Variants in APBA2 observed in about 807,000 individuals in gnomAD.
APBA2 encodes amyloid beta precursor protein binding family A member 2.
Under a neutral mutation model 75.0 loss-of-function variants are expected in APBA2, and 30 were observed. That is an observed-to-expected ratio of 0.40 (90% CI 0.30 to 0.54). The LOEUF (loss-of-function observed/expected upper bound fraction) is 0.54. Ranked by LOEUF, APBA2 falls within the 20% of genes least tolerant of loss-of-function variation. The pLI, the probability that APBA2 is intolerant of heterozygous loss-of-function variation, is 0.49. For missense variants in APBA2, 801 were observed against 1,016.1 expected, an observed-to-expected ratio of 0.79 and a Z score of 2.88; for synonymous variants, 444 against 409.6, an observed-to-expected ratio of 1.08 and a Z score of -1.01.
intron 7 of APBA2, among the ~76,000 whole-genome samples, 171 bp downstream of exon 7, chr15:29,093,391 C>T (rs2043682786): frequency 6.6e-6 from 1 of 152,214 alleles, no homozygotes; most frequent in Admixed American, 6.5e-5. Context: ...TGCGCCTTGG[C>T]TGGGAGAAAG....
At chr15:29,022,660 T>C (rs964711429) in intron 3 of APBA2, among the ~76,000 whole-genome samples, 1 of 152,178 alleles carries the variant, frequency 6.6e-6, no homozygotes, top group African/African-American at 2.4e-5. Flanking sequence ...TTGTATACTC[T>C]CGTGGAATAA....
chr15:29,109,932 C>A lies in APBA2; in HGVS notation c.2037+1543C>A, dbSNP rs201038091. ...CAGGTGCCAGGACGAGTTGTCTGCA[C>A]CCCACTTGGGACTTCAGGACAGTGC... On this transcript the variant is annotated intron_variant, in intron 13 of 14. Coordinates refer to ENST00000683413, the MANE Select transcript of APBA2 (RefSeq NM_001353788.2). Among the ~76,000 whole-genome samples the A allele has an allele frequency of 9.3e-5, 14 of 151,138 alleles. No homozygotes were observed. In the East Asian group the frequency reaches 2.5e-3, roughly 27 times the overall value.
chr15:28,988,877 C>T (rs1395063963), intron 2 of APBA2, among the ~76,000 whole-genome samples: 1 of 152,114 alleles, frequency 6.6e-6, no homozygotes, highest in Non-Finnish European at 1.5e-5. Context: ...AATTTTATTC[C>T]AAAGTGTGTG....
intron 6 of APBA2, among the ~76,000 whole-genome samples, chr15:29,080,091 A>G (rs1365572944): frequency 1.3e-5 from 2 of 152,176 alleles, no homozygotes; most frequent in East Asian, 3.9e-4. Context: ...CTCGTAGCCG[A>G]GGTCATTCCT....
At chr15:29,104,370 C>T (rs187639580) in intron 10 of APBA2, among the ~76,000 whole-genome samples, 13 of 152,342 alleles carry the variant, frequency 8.5e-5, no homozygotes, top group Admixed American at 7.2e-4. Flanking sequence ...AGCCCCGCCG[C>T]GCTCCCAGGG....
chr15:29,091,476 ACT>A (rs1304363909), intron 6 of APBA2, among the ~76,000 whole-genome samples: 2 of 152,108 alleles, frequency 1.3e-5, no homozygotes, highest in East Asian at 1.9e-4. Flanking sequence ...GTCTGGAATA[ACT>A]CTTGCATGGA....
intron 1 of APBA2, among the ~76,000 whole-genome samples, chr15:28,904,947 G>A (rs2033063345): frequency 6.6e-6 from 1 of 152,242 alleles, no homozygotes; most frequent in African/African-American, 2.4e-5. Context: ...CTGAGGGGCT[G>A]GGCCGCTGAC....
intron 2 of APBA2, among the ~76,000 whole-genome samples, chr15:28,949,701 T>C (rs2035747245): frequency 5.3e-5 from 8 of 152,196 alleles, no homozygotes; most frequent in Admixed American, 5.2e-4. Context: ...ACTCCTGGGC[T>C]CAAGTGATCC....
chr15:29,058,798 A>G (rs1200143905), intron 4 of APBA2, among the ~76,000 whole-genome samples: 1 of 152,202 alleles, frequency 6.6e-6, no homozygotes, highest in South Asian at 2.1e-4. Context: ...ATTTCAAAGC[A>G]CTGCAAGTTT....
At chr15:29,020,892 T>C (rs2039920162) in intron 3 of APBA2, among the ~76,000 whole-genome samples, 1 of 152,046 alleles carries the variant, frequency 6.6e-6, no homozygotes, top group Non-Finnish European at 1.5e-5. Flanking sequence ...TTACAGTGAA[T>C]ATACCCAGCA....
intron 2 of APBA2, among the ~76,000 whole-genome samples, chr15:28,961,983 G>A (rs894240409): frequency 6.6e-6 from 1 of 152,116 alleles, no homozygotes; most frequent in African/African-American, 2.4e-5. Flanking sequence ...GAAAAGGCCG[G>A]GTGGCATGTG....
chr15:28,935,344 G>C (rs1347078856), intron 2 of APBA2, among the ~76,000 whole-genome samples: 1 of 152,192 alleles, frequency 6.6e-6, no homozygotes, highest in African/African-American at 2.4e-5. Flanking sequence ...GATGGGAATG[G>C]GGAGTGGGAA....
At position 29,054,434 on chromosome 15, in the gene APBA2, G is replaced by A. The variant is rs779928121; in HGVS notation, c.550G>A (p.Gly184Ser). The stretch of plus-strand genomic sequence containing the variant: ...TGAGGCCCATGACCAGGAAGAAGAT[G>A]GTCACTACTGTGCCAGCAAAGAGGG... ...VLEAHDQEED[G>S]HYCASKEGYQ... Residue 184 changes from glycine (G) to serine (S), a missense_variant, in exon 4 of 15, where the codon GGT (glycine) becomes AGT (serine). By Grantham distance (56) the Gly-to-Ser change is moderately conservative. Transcript: ENST00000683413. This position sits in a 1 kb window ranked among gnomAD's most constrained non-coding sequence, Gnocchi z 6.1. The A allele has an allele frequency of 1.2e-6, 2 of 1,614,084 alleles. No homozygotes were observed. Among genetic ancestry groups the A allele is most frequent in the South Asian group, 1.1e-5 (1 of 91,078 alleles).
chr15:29,035,286 GT>G (rs1381248849), intron 3 of APBA2, among the ~76,000 whole-genome samples: 1 of 152,178 alleles, frequency 6.6e-6, no homozygotes, highest in African/African-American at 2.4e-5. Flanking sequence ...CAATCGTGGG[GT>G]CATTAGGATT....
intron 3 of APBA2, among the ~76,000 whole-genome samples, chr15:29,034,263 C>T (rs2040633813): frequency 6.6e-6 from 1 of 152,086 alleles, no homozygotes; most frequent in African/African-American, 2.4e-5. Flanking sequence ...GGCTGGTAGC[C>T]CGTGTCTCCT....
intron 10 of APBA2, among the ~76,000 whole-genome samples, chr15:29,103,845 C>G (rs919979844): frequency 8.5e-5 from 13 of 152,218 alleles, no homozygotes; most frequent in Non-Finnish European, 1.6e-4. Flanking sequence ...AGGCCCGACC[C>G]TCTCCTGCGC....
intron 3 of APBA2, among the ~76,000 whole-genome samples, chr15:29,008,352 T>C (rs958298066): frequency 6.6e-6 from 1 of 152,220 alleles, no homozygotes; most frequent in Non-Finnish European, 1.5e-5. Flanking sequence ...TTAGTGTCAC[T>C]AAGCTGTATT....
intron 13 of APBA2, among the ~76,000 whole-genome samples, chr15:29,109,351 C>A (rs61705978): frequency 0.062 from 9,434 of 152,166 alleles, 987 homozygotes; most frequent in African/African-American, 0.22. Context: ...TGTGTCAGAG[C>A]AAATTTGCTG....
At chr15:29,013,481 C>T (rs2039508472) in intron 3 of APBA2, among the ~76,000 whole-genome samples, 1 of 151,990 alleles carries the variant, frequency 6.6e-6, no homozygotes, top group Non-Finnish European at 1.5e-5. Flanking sequence ...CGGGGTTTCA[C>T]CGTGTTAGCC....
Sources: allele counts gnomAD v4.1 joint callset (sites outside exome capture counted in the v4.1 genomes callset), GRCh38; gene constraint gnomAD v4.1.1; non-coding constraint Gnocchi (gnomAD v3.1); transcripts MANE v1.5; gene names NCBI Gene and HGNC (gene_info 2026-07-23, HGNC 2026-07-21).